Variants in CRY1 observed in about 807,000 individuals in gnomAD.
The protein encoded by CRY1 is cryptochrome-1.
Under a neutral mutation model 76.0 loss-of-function variants are expected in CRY1, and 45 were observed. The observed-to-expected ratio is 0.59, with a 90% CI of 0.47 to 0.76. The LOEUF is 0.76. Among genes scored for constraint, CRY1 ranks in the 30% least tolerant of loss-of-function variants. The pLI, the probability that CRY1 is intolerant of heterozygous loss-of-function variation, is 0.00. For missense variants in CRY1, 587 were observed against 716.4 expected (o/e 0.82, Z 2.06); for synonymous variants, 248 against 244.0 (o/e 1.02, Z -0.15).
At chr12:107,055,549 G>T (rs916003682) in intron 1 of CRY1, among the ~76,000 whole-genome samples, 2 of 151,766 alleles carry the variant, frequency 1.3e-5, no homozygotes, top group African/African-American at 4.8e-5. Flanking sequence ...ATAAGTTAGC[G>T]TAAAAAAAAG....
At chr12:107,066,727 T>C (rs761973649) in intron 1 of CRY1, among the ~76,000 whole-genome samples, 1 of 150,942 alleles carries the variant, frequency 6.6e-6, no homozygotes, top group Non-Finnish European at 1.5e-5. Flanking sequence ...GCCTCCCAAA[T>C]TGTTAGGATT....
intron 2 of CRY1, among the ~76,000 whole-genome samples, chr12:107,010,714 C>T (rs10778523): frequency 0.55 from 82,852 of 151,702 alleles, 23,004 homozygotes; most frequent in East Asian, 0.73. Flanking sequence ...GAGTAGCTGG[C>T]ACTACAGGTA....
intron 2 of CRY1, among the ~76,000 whole-genome samples, chr12:107,015,344 CTT>C (rs3835384): frequency 5.2e-4 from 75 of 145,224 alleles, no homozygotes; most frequent in East Asian, 6.1e-4. Flanking sequence ...CCTATCTACT[CTT>C]TTTTTTTTTT....
chr12:106,999,774 C>G lies in CRY1; in HGVS notation c.914G>C (p.Arg305Pro). The G allele has an allele frequency of 7.4e-6, 12 of 1,614,164 alleles. No individual in the cohort carries two copies. The highest frequency in any genetic ancestry group is 1.0e-5 in the Non-Finnish European group (12 of 1,180,030). ...AGGGTTTCCTTCCATTTTATCAAAG[C>G]GTGGATTATTTGTTGCTGCTGTATA... ...FFYTAATNNPRFDKMEGNPIC... is the reference protein window; with the variant it reads ...FFYTAATNNPPFDKMEGNPIC... Residue 305 changes from arginine to proline, a missense_variant, in exon 7 of 13, where the codon CGC (arginine) becomes CCC (proline). Coordinates refer to ENST00000008527, the MANE Select transcript of CRY1 (RefSeq NM_004075.5).
intron 1 of CRY1, among the ~76,000 whole-genome samples, chr12:107,053,829 T>C (rs962286291): frequency 2.7e-4 from 41 of 152,030 alleles, no homozygotes; most frequent in African/African-American, 9.2e-4. Flanking sequence ...TATTTAAAAT[T>C]AGACAAAAAG....
At chr12:107,005,311 G>C (rs1287642972) in intron 2 of CRY1, 63 bp from the exon 3 acceptor site, 2 of 1,491,574 alleles carry the variant, frequency 1.3e-6, no homozygotes, top group South Asian at 2.7e-5. Context: ...CTATTATAAC[G>C]AAAAGTGAAA....
intron 1 of CRY1, among the ~76,000 whole-genome samples, chr12:107,028,652 G>A (rs1258824178): frequency 6.6e-6 from 1 of 152,174 alleles, no homozygotes; most frequent in Non-Finnish European, 1.5e-5. Flanking sequence ...TGTACTTCTA[G>A]AGGTAAATAT....
chr12:107,059,399 C>T (rs982955683), intron 1 of CRY1, among the ~76,000 whole-genome samples: 12 of 151,988 alleles, frequency 7.9e-5, no homozygotes, highest in African/African-American at 2.7e-4. Flanking sequence ...TAGTGGGCAC[C>T]ACCATACTTG....
At chr12:107,027,095 T>C (rs951075068) in intron 1 of CRY1, among the ~76,000 whole-genome samples, 3 of 152,188 alleles carry the variant, frequency 2.0e-5, no homozygotes, top group African/African-American at 7.2e-5. Context: ...GTGTGATTTC[T>C]CTTTAATGCT....
intron 1 of CRY1, among the ~76,000 whole-genome samples, chr12:107,076,382 A>G (rs1280224619): frequency 1.3e-5 from 2 of 152,066 alleles, no homozygotes; most frequent in Non-Finnish European, 1.5e-5. Context: ...AGGCTGAGGC[A>G]GGCAGATTGC....
chr12:107,014,776 C>T (rs1404162158), intron 2 of CRY1, among the ~76,000 whole-genome samples: 3 of 152,092 alleles, frequency 2.0e-5, no homozygotes, highest in Non-Finnish European at 4.4e-5. Context: ...GTTCCAGGAC[C>T]CCCTGTGGAT....
At chr12:107,000,407 A>G (rs1207151743) in intron 5 of CRY1, among the ~76,000 whole-genome samples, 4 of 151,274 alleles carry the variant, frequency 2.6e-5, no homozygotes, top group Non-Finnish European at 5.9e-5. Flanking sequence ...GCTGGAGTGC[A>G]GTGGCTCAAT....
chr12:107,071,692 A>G (rs952709114), intron 1 of CRY1, among the ~76,000 whole-genome samples: 3 of 152,330 alleles, frequency 2.0e-5, no homozygotes, highest in Admixed American at 2.0e-4. Flanking sequence ...CAAGTCGAAG[A>G]AAGAAAAAGA....
chr12:107,091,008 A>AT (rs1426506920), intron 1 of CRY1, among the ~76,000 whole-genome samples: 1 of 151,732 alleles, frequency 6.6e-6, no homozygotes, highest in Non-Finnish European at 1.5e-5. Context: ...AAAGCACTGA[A>AT]TTTTGGTGCT....
intron 1 of CRY1, among the ~76,000 whole-genome samples, chr12:107,023,362 C>T (rs535832630): frequency 1.2e-4 from 18 of 152,242 alleles, no homozygotes; most frequent in African/African-American, 3.9e-4. Context: ...TCACACTTGC[C>T]ACATTTCAAG....
rs376231462 is a variant in CRY1 at position 106,997,323 on chromosome 12, T to G, written c.1556A>C (p.Glu519Ala). 1 of 1,613,950 alleles carries G rather than the reference T, an allele frequency of 6.2e-7. No homozygotes were observed. The highest frequency in any genetic ancestry group is 1.3e-5 in the African/African-American group (1 of 74,934). ...GNGGFMGYSA[E>A]NIPGCSSSGS... ...ACTGCTGCTACAACCTGGGATATTT[T>G]CTGCAGAATATCCCATGAAGCCTCC... is the stretch of plus-strand genomic sequence containing the variant. Residue 519 changes from glutamate (E) to alanine (A), a missense_variant, in exon 10 of 13, where the codon GAA becomes GCA. Glu to Ala is a moderately radical substitution (Grantham distance 107). Coordinates refer to ENST00000008527, the MANE Select transcript of CRY1 (RefSeq NM_004075.5).
intron 2 of CRY1, among the ~76,000 whole-genome samples, chr12:107,010,212 C>T (rs1380437781): frequency 6.6e-6 from 1 of 152,076 alleles, no homozygotes; most frequent in Non-Finnish European, 1.5e-5. Flanking sequence ...TCTGGAGAAT[C>T]TCTAGTGATG....
intron 1 of CRY1, among the ~76,000 whole-genome samples, chr12:107,058,812 G>C (rs1198321433): frequency 6.6e-6 from 1 of 152,180 alleles, no homozygotes; most frequent in African/African-American, 2.4e-5. Context: ...CCTGGAATAA[G>C]GATTCTAATA....
chr12:107,015,779 G>T (rs1952492129), intron 2 of CRY1, among the ~76,000 whole-genome samples: 1 of 152,058 alleles, frequency 6.6e-6, no homozygotes. Context: ...CAACTTTCCA[G>T]GCTAAAGTGA....
Sources: gnomAD v4.1 joint callset for allele counts (sites outside exome capture counted in the v4.1 genomes callset) on GRCh38, gnomAD v4.1.1 for gene constraint, MANE v1.5 for transcripts, NCBI Gene and HGNC (gene_info 2026-07-23, HGNC 2026-07-21) for gene names.